Variants in RTTN observed in about 807,000 individuals in gnomAD.
RTTN encodes the protein rotatin.
Under a neutral mutation model 269.2 loss-of-function variants are expected in RTTN, and 182 were observed. The observed-to-expected ratio is 0.68, with a 90% CI of 0.60 to 0.76. The LOEUF is 0.76. RTTN is among the 30% of genes least tolerant of loss of function. The probability of loss-of-function intolerance (pLI) is 0.00; values close to 1 mark genes in which losing one functional copy is unlikely to be tolerated. For missense variants in RTTN, 2,545 were observed against 2,608.6 expected, an observed-to-expected ratio of 0.98 and a Z score of 0.53; for synonymous variants, 1,006 against 963.5, an observed-to-expected ratio of 1.04 and a Z score of -0.82.
chr18:70,093,570 T>C (rs56145189), intron 28 of RTTN, among the ~76,000 whole-genome samples: 2,535 of 152,330 alleles, frequency 0.017, 71 homozygotes, highest in African/African-American at 0.057. Flanking sequence ...CATGTGGTTT[T>C]TCTCACTGGT....
rs1324334717 is a variant in RTTN at position 70,087,998 on chromosome 18, C to T, written c.4293G>A (p.Val1431=). 3 of 1,611,800 alleles carry T rather than the reference C, an allele frequency of 1.9e-6. No homozygotes were observed. Among genetic ancestry groups the T allele is most frequent in the Non-Finnish European group, 1.7e-6 (2 of 1,179,356 alleles). ...ILLDQSECSM[V]RREAAFILQN... is the part of the protein sequence containing the mutation. The stretch of plus-strand genomic sequence containing the variant: ...GAAAAGACAGACATACCTCCCGGCG[C>T]ACCATACTACATTCTGACTGGTCCA... Residue 1431 remains valine (V), a synonymous_variant, in exon 31 of 49, where the codon GTG becomes GTA. Coordinates refer to ENST00000640769, the MANE Select transcript of RTTN (RefSeq NM_173630.4).
chr18:70,139,474 G>C, intron 21 of RTTN, 125 bp downstream of exon 21: 1 of 627,868 alleles, frequency 1.6e-6, no homozygotes, highest in East Asian at 2.8e-5. Flanking sequence ...TACATTAGTA[G>C]TGTATTCACT....
Position 70,065,855 on chromosome 18 carries a change from G to C in RTTN, c.4721C>G (p.Ala1574Gly). 6.2e-7 allele frequency: 1 copy of C among 1,600,554 alleles called. No individual in the cohort carries two copies. Among genetic ancestry groups the C allele is most frequent in the East Asian group, 2.2e-5 (1 of 44,568 alleles). ...TTGAGCCACAAACTGGTCATGGGAG[G>C]CTTCAGGTAGAAGTGTTGTTGACTG... ...LVQSTTLLPE[A>G]SHDQFVAQGH... Residue 1574 changes from alanine (A) to glycine (G), a missense_variant, in exon 35 of 49, where the codon GCC (alanine) becomes GGC (glycine). Ala to Gly is a moderately conservative substitution (Grantham distance 60). Transcript: ENST00000640769.
chr18:70,021,690 T>C (rs529314967), intron 44 of RTTN, among the ~76,000 whole-genome samples: 2 of 152,316 alleles, frequency 1.3e-5, no homozygotes, highest in Non-Finnish European at 2.9e-5. Context: ...TATGCTTCAA[T>C]GACAGTTCAA....
At chr18:70,203,725 T>G (rs182764468) in intron 3 of RTTN, among the ~76,000 whole-genome samples, 2 of 152,322 alleles carry the variant, frequency 1.3e-5, no homozygotes, top group African/African-American at 4.8e-5. Flanking sequence ...CAGATATCAT[T>G]ATACTCCAAT....
At chr18:70,049,930 A>G (rs2057608900) in intron 39 of RTTN, among the ~76,000 whole-genome samples, 1 of 152,186 alleles carries the variant, frequency 6.6e-6, no homozygotes, top group Non-Finnish European at 1.5e-5. Context: ...TGTATACCAG[A>G]TTTTATATAT....
At position 70,075,448 on chromosome 18, in the gene RTTN, A is replaced by T. The variant is rs746718361; in HGVS notation, c.4468T>A (p.Leu1490Met). ...TAACAATGCTTTACCATCTGATTCA[A>T]ATGTTCATAAAAATGGCAGTGATAT... ...LLYHCHFYEH[L>M]NQMVKHCYLG... Residue 1490 changes from leucine (L) to methionine (M), a missense_variant, in exon 33 of 49, where the codon TTG becomes ATG. Transcript: ENST00000640769. 3.7e-6 allele frequency: 6 copies of T among 1,609,374 alleles called. No homozygotes were observed. The East Asian group carries it at 1.1e-4, about 30-fold the overall frequency.
At chr18:70,055,027 T>C (rs969108042) in intron 37 of RTTN, among the ~76,000 whole-genome samples, 4 of 152,126 alleles carry the variant, frequency 2.6e-5, no homozygotes. Flanking sequence ...TATGTTCTAT[T>C]TTTGCCCTCA....
intron 12 of RTTN, among the ~76,000 whole-genome samples, chr18:70,167,711 A>C (rs977378686): frequency 3.3e-5 from 5 of 152,058 alleles, no homozygotes; most frequent in African/African-American, 1.2e-4. Context: ...CTCAAAAAAA[A>C]AAAAAAGCCA....
intron 21 of RTTN, chr18:70,138,132 AC>A (rs1174286097): frequency 6.6e-6 from 1 of 152,308 alleles, no homozygotes; most frequent in Admixed American, 6.6e-5. Flanking sequence ...TACAAAAATT[AC>A]CCAGGCATGG....
intron 28 of RTTN, among the ~76,000 whole-genome samples, chr18:70,094,934 T>C (rs1239691173): frequency 6.6e-6 from 1 of 152,128 alleles, no homozygotes; most frequent in East Asian, 1.9e-4. Flanking sequence ...TGTGTGGAAA[T>C]CTAAGTCTCT....
intron 40 of RTTN, among the ~76,000 whole-genome samples, chr18:70,033,015 C>G (rs778404114): frequency 3.3e-5 from 5 of 152,234 alleles, no homozygotes; most frequent in Admixed American, 6.5e-5. Context: ...TCATGTTCAA[C>G]TGTAGTCCCC....
intron 27 of RTTN, among the ~76,000 whole-genome samples, chr18:70,110,089 G>T (rs2059423028): frequency 6.6e-6 from 1 of 151,986 alleles, no homozygotes; most frequent in South Asian, 2.1e-4. Flanking sequence ...AAATTAGCCA[G>T]GTGTGGTGGT....
intron 10 of RTTN, among the ~76,000 whole-genome samples, chr18:70,187,700 T>G (rs1485208738): frequency 6.6e-6 from 1 of 152,222 alleles, no homozygotes; most frequent in Non-Finnish European, 1.5e-5. Context: ...TATGTATGTT[T>G]AAGGTCAAAG....
chr18:70,115,518 G>GC (rs1487812511), intron 26 of RTTN, among the ~76,000 whole-genome samples: 2 of 40,480 alleles, frequency 4.9e-5, no homozygotes, highest in Admixed American at 4.1e-4. Flanking sequence ...CAGGCACTGT[G>GC]CTAAAAAAAA....
chr18:70,039,705 TAAGTA>T (rs1259334496), intron 40 of RTTN, among the ~76,000 whole-genome samples: 1 of 152,174 alleles, frequency 6.6e-6, no homozygotes, highest in Non-Finnish European at 1.5e-5. Context: ...ACTCTTATCT[TAAGTA>T]GAGAGTCTAA....
chr18:70,155,218 G>A (rs781475216), intron 14 of RTTN, among the ~76,000 whole-genome samples: 1 of 152,054 alleles, frequency 6.6e-6, no homozygotes, highest in African/African-American at 2.4e-5. Context: ...CTTCCAAGGT[G>A]CATCACCACT....
chr18:70,028,850 C>A, intron 42 of RTTN, 49 bp from the exon 43 acceptor site: 1 of 1,316,506 alleles, frequency 7.6e-7, no homozygotes, highest in South Asian at 1.2e-5. Flanking sequence ...CAGCATACTT[C>A]ACTTTTTGTG....
chr18:70,203,957 A>C, intron 3 of RTTN, 129 bp downstream of exon 3: 2 of 705,906 alleles, frequency 2.8e-6, no homozygotes, highest in Non-Finnish European at 2.3e-6. Flanking sequence ...AAAATCATGT[A>C]AGTTAACACA....
Sources: allele counts gnomAD v4.1 joint callset (sites outside exome capture counted in the v4.1 genomes callset), GRCh38; gene constraint gnomAD v4.1.1; transcripts MANE v1.5; gene names NCBI Gene and HGNC (gene_info 2026-07-23, HGNC 2026-07-21).